Variants in ASIC2 observed in about 807,000 individuals in gnomAD.
ASIC2 encodes acid sensing ion channel subunit 2.
In ASIC2, 25 loss-of-function variants were observed where a neutral mutation model predicts 57.3. That is an observed-to-expected ratio of 0.44 (90% confidence interval 0.32 to 0.61). ASIC2 has a LOEUF of 0.61. Among genes scored for constraint, ASIC2 ranks in the 20% least tolerant of loss-of-function variants. ASIC2 has a pLI of 0.06. For missense variants in ASIC2, 641 were observed against 738.1 expected (o/e 0.87, Z 1.52); for synonymous variants, 319 against 307.5 (o/e 1.04, Z -0.39).
At chr17:33,799,147 C>T (rs773765277) in intron 1 of ASIC2, among the ~76,000 whole-genome samples, 1 of 152,182 alleles carries the variant, frequency 6.6e-6, no homozygotes, top group Non-Finnish European at 1.5e-5. Flanking sequence ...GGACTTGTTA[C>T]CTTTACGCCT....
Position 33,340,159 on chromosome 17 carries a change from A to C in ASIC2, c.556-228092T>G, listed in dbSNP as rs554606828. ...GTTAAAACTCAGAAAGCAAGAAAGA[A>C]ACAGGTCACCTTTGCTCTTGGTATA... On this transcript the variant is annotated intron_variant, in intron 1 of 9. Transcript: ENST00000359872. 2.0e-5 allele frequency among the ~76,000 whole-genome samples: 3 copies of C among 152,346 alleles called. No homozygotes were observed. The South Asian group carries it at 6.2e-4, about 32-fold the overall frequency.
At chr17:33,025,647 C>G (rs182988795) in intron 5 of ASIC2, among the ~76,000 whole-genome samples, 1 of 152,048 alleles carries the variant, frequency 6.6e-6, no homozygotes, top group Admixed American at 6.5e-5. Flanking sequence ...TCCCCTGAAA[C>G]CCACTCCTTC....
intron 1 of ASIC2, among the ~76,000 whole-genome samples, chr17:33,618,653 C>T (rs1905682144): frequency 6.6e-6 from 1 of 152,186 alleles, no homozygotes; most frequent in South Asian, 2.1e-4. Context: ...TTGGTTCCCT[C>T]ATCTTTCATG....
At chr17:34,059,717 C>T (rs1196122715) in intron 1 of ASIC2, among the ~76,000 whole-genome samples, 5 of 152,058 alleles carry the variant, frequency 3.3e-5, no homozygotes, top group Non-Finnish European at 4.4e-5. Context: ...CTGTGACTGC[C>T]GGCTTTCCCC....
At chr17:33,870,242 T>G (rs1237014791) in intron 1 of ASIC2, among the ~76,000 whole-genome samples, 2 of 139,864 alleles carry the variant, frequency 1.4e-5, no homozygotes, top group South Asian at 2.6e-4. Context: ...TTTTTTTTTT[T>G]TTTTTTTTTT....
At chr17:33,584,724 G>C (rs1319770980) in intron 1 of ASIC2, among the ~76,000 whole-genome samples, 2 of 152,098 alleles carry the variant, frequency 1.3e-5, no homozygotes, top group Non-Finnish European at 2.9e-5. Flanking sequence ...GGAGGGACAG[G>C]AGGTACTGGT....
chr17:33,582,095 A>G (rs1425904852), intron 1 of ASIC2, among the ~76,000 whole-genome samples: 1 of 152,196 alleles, frequency 6.6e-6, no homozygotes, highest in Non-Finnish European at 1.5e-5. Context: ...TCTGACCCAC[A>G]GAACTAGGAG....
At chr17:33,167,632 C>G (rs1215071338) in intron 1 of ASIC2, among the ~76,000 whole-genome samples, 1 of 152,248 alleles carries the variant, frequency 6.6e-6, no homozygotes, top group East Asian at 1.9e-4. Context: ...CCACTGCCTA[C>G]TGTATTAAGC....
intron 1 of ASIC2, among the ~76,000 whole-genome samples, chr17:33,658,850 A>T (rs564878048): frequency 5.9e-5 from 9 of 152,128 alleles, no homozygotes; most frequent in Admixed American, 2.0e-4. Context: ...ATATTTTTTT[A>T]AAATTAGCCA....
intron 6 of ASIC2, 115 bp from the exon 7 acceptor site, chr17:33,021,425 A>C: frequency 1.2e-6 from 1 of 862,074 alleles, no homozygotes; most frequent in Non-Finnish European, 1.8e-6. Flanking sequence ...GAAGTGAGGC[A>C]GCTTGCCCAA....
At chr17:33,476,556 T>C (rs1010590316) in intron 1 of ASIC2, among the ~76,000 whole-genome samples, 2 of 149,588 alleles carry the variant, frequency 1.3e-5, no homozygotes, top group South Asian at 4.3e-4. Context: ...TGTGTGTGTG[T>C]GTGTGTGTGT....
chr17:33,929,017 C>T (rs1042603085), intron 1 of ASIC2, among the ~76,000 whole-genome samples: 3 of 152,036 alleles, frequency 2.0e-5, no homozygotes, highest in Non-Finnish European at 2.9e-5. Context: ...CATGACCCAC[C>T]CACTCGCATG....
At chr17:33,306,347 C>T (rs1906173301) in intron 1 of ASIC2, among the ~76,000 whole-genome samples, 4 of 152,106 alleles carry the variant, frequency 2.6e-5, no homozygotes. Context: ...GTTTTTTCCC[C>T]CTAGCCTGTT....
Position 33,669,119 on chromosome 17 carries a change from T to G in ASIC2, c.555+486859A>C, listed in dbSNP as rs574493945. On this transcript the variant is annotated intron_variant, in intron 1 of 9. Transcript: ENST00000359872. ...TTGATCTATTTCTTTTGCACTTGGT[T>G]GTTGGAAGCCTGTTCCCTAGAGGGT... Among the ~76,000 whole-genome samples the G allele has an allele frequency of 8.5e-5, 13 of 152,314 alleles. No individual in the cohort carries two copies. In the South Asian group the frequency reaches 2.7e-3, roughly 32 times the overall value.
At chr17:33,238,053 G>A (rs555075255) in intron 1 of ASIC2, among the ~76,000 whole-genome samples, 7 of 152,296 alleles carry the variant, frequency 4.6e-5, no homozygotes, top group African/African-American at 7.2e-5. Flanking sequence ...GTGTGGTTCC[G>A]AAGCTAGAGC....
Position 33,653,697 on chromosome 17 carries a change from C to T in ASIC2, c.555+502281G>A, listed in dbSNP as rs191361794. ...AGCAATGGATTGCTTTGGCCACCTTCCTGGTCTTTTAATTAGGAAGTATTT... is the reference window on the plus strand; with the variant it reads ...AGCAATGGATTGCTTTGGCCACCTTTCTGGTCTTTTAATTAGGAAGTATTT... On this transcript the variant is annotated intron_variant, in intron 1 of 9. Coordinates refer to the ASIC2 transcript ENST00000359872. Among the ~76,000 whole-genome samples, 408 of 152,296 alleles carry T rather than the reference C, an allele frequency of 2.7e-3. 2 individuals carry two copies. Among genetic ancestry groups the T allele is most frequent in the African/African-American group, 9.0e-3 (373 of 41,564 alleles).
intron 1 of ASIC2, among the ~76,000 whole-genome samples, chr17:33,642,815 GA>G (rs1906618717): frequency 6.6e-6 from 1 of 152,142 alleles, no homozygotes; most frequent in Non-Finnish European, 1.5e-5. Context: ...TTGCATCTTT[GA>G]AATGCCAAGC....
chr17:33,205,373 G>T (rs1256285432), intron 1 of ASIC2, among the ~76,000 whole-genome samples: 1 of 152,172 alleles, frequency 6.6e-6, no homozygotes, highest in Non-Finnish European at 1.5e-5. Context: ...GGTCCTTTTG[G>T]ATGCTCTTTG....
chr17:34,010,584 TATG>T (rs1906676974), intron 1 of ASIC2, among the ~76,000 whole-genome samples: 1 of 152,138 alleles, frequency 6.6e-6, no homozygotes. Flanking sequence ...ACACATGCCC[TATG>T]ATGTGATTCT....
Sources: gnomAD v4.1 joint callset for allele counts (sites outside exome capture counted in the v4.1 genomes callset) on GRCh38, gnomAD v4.1.1 for gene constraint, MANE v1.5 for transcripts, NCBI Gene and HGNC (gene_info 2026-07-23, HGNC 2026-07-21) for gene names.